Variants in PTCD1 observed in about 807,000 individuals in gnomAD.
PTCD1 encodes the protein pentatricopeptide repeat-containing protein 1, mitochondrial.
In PTCD1, 50 loss-of-function variants were observed where a neutral mutation model predicts 53.4. The observed-to-expected ratio is 0.94, with a 90% confidence interval of 0.75 to 1.19. The LOEUF is 1.19. Ranked by LOEUF, PTCD1 falls within the 50% of genes most tolerant of loss-of-function variation. The probability of loss-of-function intolerance (pLI) is 0.00; values close to 1 mark genes in which losing one functional copy is unlikely to be tolerated. For missense variants in PTCD1, 918 were observed against 904.8 expected (o/e 1.01, Z -0.19); for synonymous variants, 413 against 394.8 (o/e 1.05, Z -0.55).
At position 99,417,496 on chromosome 7, in the gene PTCD1, A is replaced by G. The variant is rs1795566804; in HGVS notation, c.*2471T>C. 1 of 1,611,376 alleles carries G rather than the reference A, an allele frequency of 6.2e-7. No homozygotes were observed. Among genetic ancestry groups the G allele is most frequent in the Non-Finnish European group, 8.5e-7 (1 of 1,178,300 alleles). On this transcript the variant is annotated 3_prime_UTR_variant, in exon 8 of 8. Transcript: ENST00000292478. Reference sequence around the variant, plus strand: ...ACCTGATTGCAAAATGGAAAAAGCAAGGATATGAGAACTTGTGCTGCCTGC... The same window carrying G: ...ACCTGATTGCAAAATGGAAAAAGCAGGGATATGAGAACTTGTGCTGCCTGC...
intron 5 of PTCD1, among the ~76,000 whole-genome samples, chr7:99,426,534 T>C (rs1218716824): frequency 1.3e-5 from 2 of 152,146 alleles, no homozygotes; most frequent in African/African-American, 4.8e-5. Flanking sequence ...TGATCTCGGC[T>C]CGCTACAACC....
rs752528450 is a variant in PTCD1 at position 99,424,988 on chromosome 7, T to C, written c.1544A>G (p.Gln515Arg). ...AAAGAATGTCAGGTCGGCCTCTACC[T>C]GGTGCTCATCCAGGAGGGCCAGCAG... is the stretch of plus-strand genomic sequence containing the variant. Reference protein sequence around the residue: ...SLLLALLDEHQVEADLTFFNT... With the variant: ...SLLLALLDEHRVEADLTFFNT... The change falls in exon 6 of 8, where the codon CAG becomes CGG. Residue 515 changes from glutamine (Q) to arginine (R), a missense_variant. By Grantham distance (43) the Gln-to-Arg change is conservative (BLOSUM62 1). Coordinates refer to ENST00000292478, the MANE Select transcript of PTCD1 (RefSeq NM_015545.4). 3 of 1,614,094 alleles carry C rather than the reference T, an allele frequency of 1.9e-6. No homozygotes were observed. The South Asian group carries it at 3.3e-5, about 18-fold the overall frequency.
In PTCD1 at chr7:99,422,103, T is replaced by TA. The variant is rs531516066; in HGVS notation, c.1920+1671dup. ...ACAAAAAACCAGTACCCAGAATATA[T>TA]AAAAAACCCTGGAATCAATGAGAAA... On this transcript the variant is annotated intron_variant, in intron 7 of 7. Coordinates refer to ENST00000292478, the MANE Select transcript of PTCD1 (RefSeq NM_015545.4). 2.0e-3 allele frequency among the ~76,000 whole-genome samples: 303 copies of TA among 152,078 alleles called. 2 individuals carry two copies. The highest frequency in any genetic ancestry group is 6.9e-3 in the African/African-American group (287 of 41,478).
chr7:99,417,293 T>C lies in PTCD1; in HGVS notation c.*2674A>G, dbSNP rs1350523247. The C allele has an allele frequency of 1.3e-6, 1 of 799,930 alleles. No individual in the cohort carries two copies. The highest frequency in any genetic ancestry group is 1.5e-5 in the South Asian group (1 of 66,306). 49.6% of individuals were successfully genotyped at this position (799,930 alleles called of 1,614,324 possible). On this transcript the variant is annotated 3_prime_UTR_variant, in exon 8 of 8. Transcript: ENST00000292478. ...GTCCTGAACTCCTGACCTCAGGTGATCCGCCTGCCTCGGCCTCCCAAAGTG... is the reference window on the plus strand; with the variant it reads ...GTCCTGAACTCCTGACCTCAGGTGACCCGCCTGCCTCGGCCTCCCAAAGTG...
chr7:99,418,009 C>A lies in PTCD1; in HGVS notation c.*1958G>T. The A allele has an allele frequency of 1.7e-6, 2 of 1,161,630 alleles. No individual in the cohort carries two copies. The highest frequency in any genetic ancestry group is 2.1e-6 in the Non-Finnish European group (2 of 931,264). The allele number at this position is 1,161,630 out of a possible 1,614,324, so 72.0% of individuals were successfully genotyped here. On this transcript the variant is annotated 3_prime_UTR_variant, in exon 8 of 8. Coordinates refer to ENST00000292478, the MANE Select transcript of PTCD1 (RefSeq NM_015545.4). ...CCAAGACGGAGTCTTGCTTTGTCGC[C>A]CAGGCTGGAGTGCAGTGATGCCATC...
chr7:99,433,026 G>A (rs1057372031), intron 3 of PTCD1: 8 of 575,668 alleles, frequency 1.4e-5, no homozygotes, highest in Non-Finnish European at 2.5e-5. Context: ...AGGTGACAGA[G>A]TGAGGCTCCC....
intron 7 of PTCD1, among the ~76,000 whole-genome samples, chr7:99,420,598 C>G (rs1795760300): frequency 6.6e-6 from 1 of 152,226 alleles, no homozygotes; most frequent in South Asian, 2.1e-4. Context: ...AAACTGAGAG[C>G]TGGTAGGGGA....
In PTCD1 at chr7:99,423,412, G is replaced by A. The variant is rs113981200; in HGVS notation, c.1920+363C>T. Among the ~76,000 whole-genome samples the A allele has an allele frequency of 3.7e-3, 565 of 152,264 alleles. 4 individuals are homozygous for A. Among genetic ancestry groups the A allele is most frequent in the African/African-American group, 0.011 (466 of 41,550 alleles). On this transcript the variant is annotated intron_variant, in intron 7 of 7. Transcript: ENST00000292478. ...GGAGACTTTCATCCCAGGTCAGAGC[G>A]GCAGCCAGCTGGGCATGTCTGAGGG...
rs1795678579 is a variant in PTCD1, at chr7:99,419,165, A to G, written c.*802T>C. ...CAAACGTGTGTTGGATTTGCAGAAC[A>G]TATTATAAATAGACATACAGATGTA... On this transcript the variant is annotated 3_prime_UTR_variant, in exon 8 of 8. Transcript: ENST00000292478. 1.0e-5 allele frequency: 6 copies of G among 575,202 alleles called. No homozygotes were observed. The highest frequency in any genetic ancestry group is 5.6e-5 in the African/African-American group (3 of 53,382). The allele number at this position is 575,202 out of a possible 1,614,324, so 35.6% of individuals were successfully genotyped here.
chr7:99,419,734 G>A lies in PTCD1; in HGVS notation c.*233C>T, dbSNP rs142263215. ...TGTGAGGTGACACACAAAGGTAGCTGGAGCTGGAAGTCCCGTGAAGGTGAC... is the reference window on the plus strand; with the variant it reads ...TGTGAGGTGACACACAAAGGTAGCTAGAGCTGGAAGTCCCGTGAAGGTGAC... On this transcript the variant is annotated 3_prime_UTR_variant, in exon 8 of 8. Transcript: ENST00000292478. 10,548 of 724,466 alleles carry A rather than the reference G, an allele frequency of 0.015. 134 individuals carry two copies. The highest frequency in any genetic ancestry group is 0.036 in the South Asian group (1,936 of 53,326). The allele number at this position is 724,466 out of a possible 1,614,324, so 44.9% of individuals were successfully genotyped here.
chr7:99,428,619 T>C (rs1024697570), intron 5 of PTCD1, among the ~76,000 whole-genome samples: 5 of 151,842 alleles, frequency 3.3e-5, no homozygotes, highest in African/African-American at 1.2e-4. Context: ...CGGGCGCCTG[T>C]AATCTCAACT....
At position 99,434,587 on chromosome 7, in the gene PTCD1, G is replaced by A. The variant is rs549898263; in HGVS notation, c.453+203C>T. On this transcript the variant is annotated intron_variant, in intron 2 of 7. Coordinates refer to ENST00000292478, the MANE Select transcript of PTCD1 (RefSeq NM_015545.4). The stretch of plus-strand genomic sequence containing the variant: ...GTAAGATCAGCTCAGTGCAACCTCC[G>A]TCTCTACAAAAAAAAAAAAATACAA... 5.5e-4 allele frequency among the ~76,000 whole-genome samples: 81 copies of A among 146,876 alleles called. No homozygotes were observed. In the South Asian group the frequency reaches 6.0e-3, roughly 11 times the overall value.
chr7:99,436,417 C>A lies in PTCD1; in HGVS notation c.-26-1149G>T, dbSNP rs540178362. Among the ~76,000 whole-genome samples the A allele has an allele frequency of 4.6e-5, 7 of 152,156 alleles. No homozygotes were observed. The East Asian group carries it at 1.2e-3, about 25-fold the overall frequency. On this transcript the variant is annotated intron_variant, in intron 1 of 7. Transcript: ENST00000292478. ...GGTGGATCCCCTCAGGTCAGGAGTT[C>A]GAGACCAGCCTGACGTGGTGAACCC...
At chr7:99,424,085 A>G in intron 6 of PTCD1, 128 bp from the exon 7 acceptor site, 12 of 1,304,354 alleles carry the variant, frequency 9.2e-6, no homozygotes, top group African/African-American at 1.5e-5. Context: ...CTTGGCAGCA[A>G]CAATGTGCTG....
In PTCD1 at chr7:99,429,696, C is replaced by T; in HGVS notation, c.705G>A (p.Arg235=). 7.4e-6 allele frequency: 12 copies of T among 1,614,232 alleles called. No individual in the cohort carries two copies. The highest frequency in any genetic ancestry group is 1.0e-5 in the Non-Finnish European group (12 of 1,180,042). Residue 235 remains arginine, a synonymous_variant, in exon 4 of 8, where the codon CGG becomes CGA. Transcript: ENST00000292478. ...CGAAGTTTTTGGCCTGCAGCTGCTG[C>T]CGGAGCTTCAGGGCGCTCTGTAGAG... ...DSALQSALKL[R]QQLQAKNFEL... is the part of the protein sequence containing the mutation.
intron 2 of PTCD1, among the ~76,000 whole-genome samples, chr7:99,434,086 A>G (rs1173865371): frequency 6.8e-6 from 1 of 146,962 alleles, no homozygotes; most frequent in East Asian, 2.3e-4. Flanking sequence ...CAAACCAGAC[A>G]GACATGAAAT....
chr7:99,427,451 A>T (rs1446385675), intron 5 of PTCD1, among the ~76,000 whole-genome samples: 4 of 61,380 alleles, frequency 6.5e-5, no homozygotes, highest in South Asian at 6.0e-4. Context: ...CCCCTCTGCC[A>T]GGCCAGCCGC....
rs1795669325 is a variant in PTCD1, at chr7:99,419,022, G to C, written c.*945C>G. ...TCCCCCACCAGAGTGTACCAGCCCA[G>C]AGGCCCCCCTGAAGTCCCCAAACAG... On this transcript the variant is annotated 3_prime_UTR_variant, in exon 8 of 8. Coordinates refer to ENST00000292478, the MANE Select transcript of PTCD1 (RefSeq NM_015545.4). 2 of 273,700 alleles carry C rather than the reference G, an allele frequency of 7.3e-6. No individual in the cohort carries two copies. Among genetic ancestry groups the C allele is most frequent in the Admixed American group, 4.9e-5 (1 of 20,468 alleles). The allele number at this position is 273,700 out of a possible 1,614,324, so 17.0% of individuals were successfully genotyped here.
At chr7:99,429,500 A>G in intron 4 of PTCD1, 88 bp downstream of exon 4, 2 of 1,586,628 alleles carry the variant, frequency 1.3e-6, no homozygotes, top group Non-Finnish European at 1.7e-6. Flanking sequence ...AAGCCTTCCT[A>G]CATGAGGAGA....
Sources: allele counts gnomAD v4.1 joint callset (sites outside exome capture counted in the v4.1 genomes callset), GRCh38; gene constraint gnomAD v4.1.1; transcripts MANE v1.5; gene names NCBI Gene and HGNC (gene_info 2026-07-23, HGNC 2026-07-21).